The following CDH18 variants were observed in gnomAD, a reference collection of about 807,000 sequenced individuals.
CDH18 encodes cadherin-18.
In CDH18, 31 loss-of-function variants were observed where a neutral mutation model predicts 67.9. That is an observed-to-expected ratio of 0.46 (90% CI 0.34 to 0.62). CDH18 has a LOEUF of 0.62. Among genes scored for constraint, CDH18 ranks in the 20% least tolerant of loss-of-function variants. The probability of loss-of-function intolerance (pLI) is 0.01; values close to 1 mark genes in which losing one functional copy is unlikely to be tolerated. For missense variants in CDH18, 890 were observed against 975.5 expected, an observed-to-expected ratio of 0.91 and a Z score of 1.17; for synonymous variants, 362 against 347.2, an observed-to-expected ratio of 1.04 and a Z score of -0.48.
At chr5:19,545,462 T>C (rs1053104946) in intron 8 of CDH18, among the ~76,000 whole-genome samples, 37 of 152,290 alleles carry the variant, frequency 2.4e-4, no homozygotes, top group South Asian at 1.2e-3. Context: ...AAAATAACAG[T>C]GGCTACTTTT....
chr5:19,821,997 T>C (rs1779924482), intron 3 of CDH18, among the ~76,000 whole-genome samples: 1 of 152,122 alleles, frequency 6.6e-6, no homozygotes, highest in Non-Finnish European at 1.5e-5. Flanking sequence ...GATACCTGCT[T>C]CCACAAAGAC....
chr5:20,088,214 A>C (rs530228340), intron 2 of CDH18, among the ~76,000 whole-genome samples: 25 of 152,320 alleles, frequency 1.6e-4, no homozygotes, highest in African/African-American at 5.8e-4. Flanking sequence ...TATGCCAGCC[A>C]CTATACTTGG....
At chr5:20,419,976 AT>A (rs1360030750) in intron 1 of CDH18, among the ~76,000 whole-genome samples, 1 of 151,058 alleles carries the variant, frequency 6.6e-6, no homozygotes, top group African/African-American at 2.5e-5. Flanking sequence ...TTCTGGTAAT[AT>A]ATTTTCGATT....
intron 1 of CDH18, among the ~76,000 whole-genome samples, chr5:20,469,378 TTTAA>T (rs1364042030): frequency 2.6e-5 from 4 of 152,164 alleles, no homozygotes; most frequent in Admixed American, 6.6e-5. Context: ...AAATAAAACA[TTTAA>T]TTAAAGTGAA....
intron 4 of CDH18, among the ~76,000 whole-genome samples, chr5:19,732,971 G>A (rs1767816916): frequency 6.6e-6 from 1 of 152,104 alleles, no homozygotes; most frequent in African/African-American, 2.4e-5. Flanking sequence ...ATAGGCCTCT[G>A]AGGGAAATCT....
chr5:20,086,371 A>G (rs1407763360), intron 2 of CDH18, among the ~76,000 whole-genome samples: 1 of 152,246 alleles, frequency 6.6e-6, no homozygotes, highest in East Asian at 1.9e-4. Context: ...GCTGATGCAG[A>G]AGCTACACCG....
In CDH18 at chr5:19,734,691, T is replaced by G. The variant is rs1768066119; in HGVS notation, c.523+12251A>C. Among the ~76,000 whole-genome samples the G allele has an allele frequency of 2.0e-5, 3 of 152,198 alleles. No individual in the cohort carries two copies. In the South Asian group the frequency reaches 6.2e-4, roughly 31 times the overall value. On this transcript the variant is annotated intron_variant, in intron 4 of 12. Coordinates refer to ENST00000382275, the MANE Select transcript of CDH18 (RefSeq NM_004934.5). ...AATGTTTAGGGCTATACATTTGATC[T>G]ATTTCCCAGTGCTGCCCACCCCCTG...
intron 2 of CDH18, among the ~76,000 whole-genome samples, chr5:19,914,847 A>G (rs1791576787): frequency 6.6e-6 from 1 of 152,120 alleles, no homozygotes; most frequent in Non-Finnish European, 1.5e-5. Context: ...ATGCACAAAT[A>G]CAAAAAAAAT....
In CDH18 at chr5:19,919,520, T is replaced by A. The variant is rs950084560; in HGVS notation, c.-257+61540A>T. Among the ~76,000 whole-genome samples, 4 of 152,150 alleles carry A rather than the reference T, an allele frequency of 2.6e-5. No homozygotes were observed. The East Asian group carries it at 7.7e-4, about 29-fold the overall frequency. On this transcript the variant is annotated intron_variant, in intron 2 of 12. Coordinates refer to ENST00000382275, the MANE Select transcript of CDH18 (RefSeq NM_004934.5). ...TAGCTACTATCAGAATCAAATTAAA[T>A]TGTGGAACATCCAGTTGATGTTTGC...
At chr5:19,923,010 G>A (rs1037717536) in intron 2 of CDH18, among the ~76,000 whole-genome samples, 1 of 152,090 alleles carries the variant, frequency 6.6e-6, no homozygotes, top group African/African-American at 2.4e-5. Context: ...ATGATAAAGT[G>A]ACGTCTCTGT....
rs79567175 is a variant in CDH18 at position 20,507,722 on chromosome 5, T to A, written c.-580+67740A>T. ...TCACATGTTATTATTACCACATTTT[T>A]AAAATCCAGCTGAATAATACATATT... On this transcript the variant is annotated intron_variant, in intron 1 of 14. Coordinates refer to the CDH18 transcript ENST00000507958. Among the ~76,000 whole-genome samples the A allele has an allele frequency of 5.1e-4, 78 of 152,294 alleles. 1 individual carries two copies. In the East Asian group the frequency reaches 0.014, roughly 27 times the overall value.
chr5:20,463,175 G>A (rs116275033), intron 1 of CDH18, among the ~76,000 whole-genome samples: 3 of 148,160 alleles, frequency 2.0e-5, no homozygotes, highest in Admixed American at 6.7e-5. Flanking sequence ...GAATTGGGAT[G>A]TATTTTTCTC....
chr5:20,200,193 G>A (rs1011143916), intron 2 of CDH18, among the ~76,000 whole-genome samples: 8 of 152,000 alleles, frequency 5.3e-5, no homozygotes, highest in South Asian at 2.1e-4. Flanking sequence ...TGTACTTTTC[G>A]GTTAATGATA....
At chr5:19,906,348 A>G (rs2150126327) in intron 2 of CDH18, among the ~76,000 whole-genome samples, 1 of 152,050 alleles carries the variant, frequency 6.6e-6, no homozygotes, top group African/African-American at 2.4e-5. Flanking sequence ...AAGTTTAAAG[A>G]TTCATGTAAA....
intron 3 of CDH18, among the ~76,000 whole-genome samples, chr5:19,770,578 A>G (rs1773617509): frequency 6.6e-6 from 1 of 151,890 alleles, no homozygotes; most frequent in Admixed American, 6.6e-5. Flanking sequence ...TAAGAAAACT[A>G]TTCAGTTGCA....
chr5:19,694,951 C>A (rs1172104074), intron 5 of CDH18, among the ~76,000 whole-genome samples: 1 of 151,780 alleles, frequency 6.6e-6, no homozygotes, highest in East Asian at 1.9e-4. Flanking sequence ...AAGATGAAAG[C>A]AGACGTTTCC....
intron 2 of CDH18, among the ~76,000 whole-genome samples, chr5:19,994,326 C>T (rs1800160605): frequency 6.7e-6 from 1 of 150,206 alleles, no homozygotes; most frequent in African/African-American, 2.4e-5. Context: ...TACATATATA[C>T]ATATATTTAT....
At position 20,248,980 on chromosome 5, in the gene CDH18, T is replaced by C. The variant is rs184780390; in HGVS notation, c.-518+6464A>G. ...TGCAGTGTGAGGTTATACAATAGGCTTAATTTTTTCATGTAGTAACATAGG... is the reference window on the plus strand; with the variant it reads ...TGCAGTGTGAGGTTATACAATAGGCCTAATTTTTTCATGTAGTAACATAGG... On this transcript the variant is annotated intron_variant, in intron 2 of 14. Coordinates refer to the CDH18 transcript ENST00000507958. Among the ~76,000 whole-genome samples the C allele has an allele frequency of 5.6e-4, 86 of 152,270 alleles. No homozygotes were observed. The South Asian group carries it at 0.016, about 28-fold the overall frequency.
chr5:19,655,606 ACT>A (rs1470848107), intron 5 of CDH18, among the ~76,000 whole-genome samples: 3 of 152,036 alleles, frequency 2.0e-5, no homozygotes, highest in Admixed American at 6.6e-5. Flanking sequence ...TAGTAAACTA[ACT>A]CTGCGTATCA....
Sources: gnomAD v4.1 joint callset for allele counts (sites outside exome capture counted in the v4.1 genomes callset) on GRCh38, gnomAD v4.1.1 for gene constraint, MANE v1.5 for transcripts, NCBI Gene and HGNC (gene_info 2026-07-23, HGNC 2026-07-21) for gene names.